MRO: variants seen among roughly 807,000 people sequenced by gnomAD.
The protein encoded by MRO is maestro, also known as protein maestro.
MRO carries 28 observed loss-of-function variants against 31.0 expected under a neutral mutation model. That is an observed-to-expected ratio of 0.90 (90% CI 0.67 to 1.24). The LOEUF is 1.24. MRO is among the 50% of genes most tolerant of loss of function. MRO has a pLI of 0.00. For missense variants in MRO, 332 were observed against 289.2 expected, an observed-to-expected ratio of 1.15 and a Z score of -1.07; for synonymous variants, 108 against 108.4, an observed-to-expected ratio of 1.00 and a Z score of 0.02.
chr18:50,818,802 C>T (rs1230654671), intron 2 of MRO, among the ~76,000 whole-genome samples: 1 of 152,090 alleles, frequency 6.6e-6, no homozygotes, highest in Admixed American at 6.6e-5. Flanking sequence ...CTATAAATCC[C>T]AGCATTTTGG....
chr18:50,801,600 C>T (rs1419053789), intron 5 of MRO, 96 bp from the exon 6 acceptor site: 15 of 1,185,920 alleles, frequency 1.3e-5, no homozygotes, highest in Non-Finnish European at 1.5e-5. Context: ...GAACACATCA[C>T]AGCCGTCAAT....
chr18:50,825,007 C>T (rs1342011274), upstream of MRO, among the ~76,000 whole-genome samples: 5 of 149,012 alleles, frequency 3.4e-5, no homozygotes, highest in African/African-American at 9.9e-5. Context: ...AGGCAGAGGT[C>T]GCAGTGAGCC....
chr18:50,806,695 C>T lies in MRO; in HGVS notation c.246+9G>A, dbSNP rs1392824235. On this transcript the variant is annotated intron_variant, in intron 4 of 7. Coordinates refer to ENST00000398439, the MANE Select transcript of MRO (RefSeq NM_031939.6). ...GGGGAGCTGGCTGAGCCCCACTCTC[C>T]TTCCCTACCTTGTCAGGGGCTTCAT... is the stretch of plus-strand genomic sequence containing the variant. 6.2e-7 allele frequency: 1 copy of T among 1,614,052 alleles called. No homozygotes were observed. The highest frequency in any genetic ancestry group is 8.5e-7 in the Non-Finnish European group (1 of 1,179,998).
intron 5 of MRO, 51 bp from the exon 6 acceptor site, chr18:50,801,555 G>T (rs377285439): frequency 1.3e-6 from 2 of 1,532,518 alleles, no homozygotes; most frequent in Admixed American, 2.0e-5. Context: ...TTACCAAAAG[G>T]CAACTGCATC....
At chr18:50,804,293 G>A (rs1913699398) in intron 5 of MRO, among the ~76,000 whole-genome samples, 1 of 152,172 alleles carries the variant, frequency 6.6e-6, no homozygotes. Context: ...GTCAATCAGT[G>A]TACATCATCA....
upstream of MRO, among the ~76,000 whole-genome samples, chr18:50,822,397 G>A (rs187089608): frequency 6.6e-6 from 1 of 152,148 alleles, no homozygotes; most frequent in Admixed American, 6.5e-5. Context: ...GGAGTGCAGT[G>A]GGGGGAACTT....
At chr18:50,814,705 G>A (rs77048064) in intron 2 of MRO, 6,744 of 176,882 alleles carry the variant, frequency 0.038, 164 homozygotes, top group Non-Finnish European at 0.051. Context: ...GAAGTAATAA[G>A]GAAGAGACAG....
At chr18:50,821,382 A>G (rs2144686359), upstream of MRO, among the ~76,000 whole-genome samples, 1 of 152,356 alleles carries the variant, frequency 6.6e-6, no homozygotes, top group East Asian at 1.9e-4. Context: ...GGAATGGGCG[A>G]GTTCAATTCT....
chr18:50,802,054 A>G (rs1337338956), intron 5 of MRO, among the ~76,000 whole-genome samples: 1 of 152,192 alleles, frequency 6.6e-6, no homozygotes, highest in Non-Finnish European at 1.5e-5. Flanking sequence ...GTTGTTGTGC[A>G]CCTTGAGTTT....
chr18:50,814,446 C>G (rs895995641), intron 2 of MRO: 1 of 161,924 alleles, frequency 6.2e-6, no homozygotes, highest in Non-Finnish European at 1.3e-5. Context: ...GTGGCCTGAG[C>G]TTTGAAACTA....
At chr18:50,821,207 C>A (rs750615213), upstream of MRO, among the ~76,000 whole-genome samples, 8 of 152,074 alleles carry the variant, frequency 5.3e-5, no homozygotes, top group Non-Finnish European at 1.0e-4. Flanking sequence ...TGCAAGGGAG[C>A]CCTAATATGT....
At chr18:50,800,457 G>C (rs1913188418) in intron 6 of MRO, among the ~76,000 whole-genome samples, 1 of 152,204 alleles carries the variant, frequency 6.6e-6, no homozygotes, top group South Asian at 2.1e-4. Context: ...CAAGTGGTTT[G>C]GTAGAAAGCT....
upstream of MRO, chr18:50,823,969 T>C (rs41353448): frequency 0.12 from 18,129 of 153,284 alleles, 1,141 homozygotes; most frequent in South Asian, 0.15. Flanking sequence ...ACAGAGCTCA[T>C]GGTCAGATTA....
At chr18:50,805,021 A>ACCTCGTGATCCCACCCG in intron 5 of MRO, 133 bp downstream of exon 5, 1 of 632,406 alleles carries the variant, frequency 1.6e-6, no homozygotes, top group Non-Finnish European at 2.7e-6. Context: ...CGATCTCCTG[A>ACCTCGTGATCCCACCCG]CCTCGTGATC....
At chr18:50,800,450 G>A (rs75001222) in intron 6 of MRO, among the ~76,000 whole-genome samples, 9,706 of 152,272 alleles carry the variant, frequency 0.064, 683 homozygotes, top group African/African-American at 0.17. Context: ...AAGAAGGCAA[G>A]TGGTTTGGTA....
Position 50,797,507 on chromosome 18 carries a change from C to T in MRO, c.*1830G>A, listed in dbSNP as rs1312764087. On this transcript the variant is annotated 3_prime_UTR_variant, in exon 8 of 8. Transcript: ENST00000398439. ...CATTGGGGGCCACCAAAATAAAAGC[C>T]TACCATTGAATCTTAAAGTCAAATA... The T allele has an allele frequency of 2.0e-5, 3 of 152,188 alleles. No homozygotes were observed. The highest frequency in any genetic ancestry group is 4.4e-5 in the Non-Finnish European group (3 of 68,056). The allele number at this position is 152,188 out of a possible 1,614,324, so 9.4% of individuals were successfully genotyped here.
intron 4 of MRO, 55 bp from the exon 5 acceptor site, chr18:50,805,391 G>A: frequency 6.8e-7 from 1 of 1,465,006 alleles, no homozygotes; most frequent in Non-Finnish European, 9.4e-7. Context: ...CCCATAGGTT[G>A]AAAAGCAACC....
intron 4 of MRO, among the ~76,000 whole-genome samples, chr18:50,805,963 CT>C (rs752108897): frequency 2.6e-3 from 372 of 142,952 alleles, no homozygotes; most frequent in Admixed American, 2.8e-3. Flanking sequence ...AAGACTCTAT[CT>C]TTTTTTTTTT....
upstream of MRO, chr18:50,820,126 A>G (rs555760330): frequency 4.6e-6 from 3 of 651,330 alleles, no homozygotes; most frequent in African/African-American, 5.5e-5. Flanking sequence ...ACCCCTGCAC[A>G]AAGCCGCCGC....
Sources: gnomAD v4.1 joint callset for allele counts (sites outside exome capture counted in the v4.1 genomes callset) on GRCh38, gnomAD v4.1.1 for gene constraint, MANE v1.5 for transcripts, NCBI Gene and HGNC (gene_info 2026-07-23, HGNC 2026-07-21) for gene names.